The following HPS4 variants were observed in gnomAD, a reference collection of about 807,000 sequenced individuals.
HPS4 encodes HPS4 biogenesis of lysosomal organelles complex 3 subunit 2.
A neutral mutation model predicts 70.3 loss-of-function variants in HPS4; 44 were observed. The ratio of observed to expected loss-of-function variants is 0.63; its 90% CI spans 0.49 to 0.80. HPS4 has a LOEUF of 0.80. HPS4 is among the 30% of genes least tolerant of loss of function. The pLI is 0.00. For missense variants in HPS4, 873 were observed against 884.4 expected (o/e 0.99, Z 0.16); for synonymous variants, 377 against 355.9 (o/e 1.06, Z -0.67).
intron 2 of HPS4, among the ~76,000 whole-genome samples, chr22:26,480,487 T>C (rs1310430622): frequency 1.3e-5 from 2 of 152,156 alleles, no homozygotes; most frequent in African/African-American, 2.4e-5. Flanking sequence ...GTTTTACTTC[T>C]AAGTCTCTGA....
At chr22:26,465,411 C>G (rs373350753) in intron 10 of HPS4, 44 bp downstream of exon 10, 19 of 1,371,116 alleles carry the variant, frequency 1.4e-5, no homozygotes, top group Non-Finnish European at 2.0e-5. Flanking sequence ...GCGATGGGGT[C>G]CCTCAGGTGT....
At chr22:26,466,852 A>C (rs2088734816) in intron 8 of HPS4, 3 of 157,528 alleles carry the variant, frequency 1.9e-5, no homozygotes, top group Admixed American at 6.1e-5. Context: ...AAACCAAACC[A>C]AACAAGAACT....
intron 11 of HPS4, among the ~76,000 whole-genome samples, chr22:26,459,642 C>T (rs2086854080): frequency 6.6e-6 from 1 of 152,146 alleles, no homozygotes; most frequent in Admixed American, 6.5e-5. Context: ...ATTTGCAGTT[C>T]CCAGGTAAAA....
chr22:26,452,105 AT>A lies in HPS4; in HGVS notation c.*1127del. On this transcript the variant is annotated 3_prime_UTR_variant, in exon 14 of 14. Transcript: ENST00000398145. ...CCATTTAATTACTCAGAACTCCAGCATTTTTTGGCTATTTTATTTCTAGCCC... is the reference window on the plus strand; with the variant it reads ...CCATTTAATTACTCAGAACTCCAGCATTTTTGGCTATTTTATTTCTAGCCC... 1 of 343,452 alleles carries A rather than the reference AT, an allele frequency of 2.9e-6. No individual in the cohort carries two copies. Among genetic ancestry groups the A allele is most frequent in the Admixed American group, 4.2e-5 (1 of 23,548 alleles). 21.3% of individuals were successfully genotyped at this position (343,452 alleles called of 1,614,324 possible). A position where few individuals can be genotyped will look rare whatever the true frequency, so the allele number is the denominator to read the frequency against.
chr22:26,479,154 G>C (rs2090989933), intron 3 of HPS4, 111 bp downstream of exon 3: 2 of 1,016,672 alleles, frequency 2.0e-6, no homozygotes, highest in Non-Finnish European at 3.1e-6. Flanking sequence ...CAGTAGAAAT[G>C]TCATTGTCTG....
downstream of HPS4, among the ~76,000 whole-genome samples, chr22:26,450,481 G>A (rs76698785): frequency 0.024 from 3,597 of 152,334 alleles, 60 homozygotes; most frequent in Non-Finnish European, 0.035. Context: ...AAGTGACAAC[G>A]GCCCAGAAGT....
At chr22:26,460,413 A>G (rs1452359244) in intron 11 of HPS4, among the ~76,000 whole-genome samples, 1 of 152,268 alleles carries the variant, frequency 6.6e-6, no homozygotes, top group South Asian at 2.1e-4. Context: ...ACGGGCACAC[A>G]TAAGCATTCA....
chr22:26,457,823 G>A (rs769769322), intron 13 of HPS4, 36 bp downstream of exon 13: 9 of 1,511,836 alleles, frequency 6.0e-6, no homozygotes, highest in Admixed American at 1.7e-5. Flanking sequence ...GCAGGACCGT[G>A]GAGAGTAGGT....
At chr22:26,446,077 C>T (rs2146153065), downstream of HPS4, among the ~76,000 whole-genome samples, 1 of 152,260 alleles carries the variant, frequency 6.6e-6, no homozygotes, top group African/African-American at 2.4e-5. Context: ...GTGTGCATTG[C>T]CAGCTAGGCA....
chr22:26,470,409 G>A (rs2089594740), intron 7 of HPS4, among the ~76,000 whole-genome samples: 1 of 152,212 alleles, frequency 6.6e-6, no homozygotes, highest in African/African-American at 2.4e-5. Flanking sequence ...CTGGCTGCTG[G>A]CAACGCTCGG....
Position 26,470,819 on chromosome 22 carries a change from C to G in HPS4, c.502-6G>C, listed in dbSNP as rs747906892. The G allele has an allele frequency of 6.2e-7, 1 of 1,613,992 alleles. No individual in the cohort carries two copies. The highest frequency in any genetic ancestry group is 8.5e-7 in the Non-Finnish European group (1 of 1,179,972). On this transcript the variant is annotated splice_polypyrimidine_tract_variant and splice_region_variant and intron_variant, in intron 6 of 13. Transcript: ENST00000398145. ...AGCAACAACAGGGGCTCCACCTGTG[C>G]AGGGCAAGAGGCATCATGCCCACCC... is the stretch of plus-strand genomic sequence containing the variant.
intron 1 of HPS4, among the ~76,000 whole-genome samples, 172 bp from the exon 2 acceptor site, chr22:26,482,412 G>T (rs2091374557): frequency 6.6e-6 from 1 of 152,158 alleles, no homozygotes; most frequent in African/African-American, 2.4e-5. Flanking sequence ...TTAGTTTCTC[G>T]AACAGTTAAG....
In HPS4 at chr22:26,453,423, A is replaced by C; in HGVS notation, c.1956-19T>G. ...GGCATTTCTGTTGGAGGAAGAAAGA[A>C]GGCAACGGTCCAATGCTGCTGGTGC... On this transcript the variant is annotated intron_variant, in intron 13 of 13. Coordinates refer to ENST00000398145, the MANE Select transcript of HPS4 (RefSeq NM_022081.6). 2.5e-6 allele frequency: 4 copies of C among 1,613,130 alleles called. No homozygotes were observed. Among genetic ancestry groups the C allele is most frequent in the Non-Finnish European group, 3.4e-6 (4 of 1,179,922 alleles).
intron 13 of HPS4, among the ~76,000 whole-genome samples, chr22:26,455,474 T>C (rs62225812): frequency 3.3e-5 from 5 of 150,360 alleles, no homozygotes; most frequent in Non-Finnish European, 7.4e-5. Context: ...CAGCAAACTA[T>C]TGCAAGGACA....
Position 26,463,986 on chromosome 22 carries a change from G to C in HPS4, c.1644C>G (p.Val548=), listed in dbSNP as rs1176769104. Residue 548 remains valine (V), a synonymous_variant, in exon 11 of 14, where the codon GTC becomes GTG. Coordinates refer to ENST00000398145, the MANE Select transcript of HPS4 (RefSeq NM_022081.6). The stretch of plus-strand genomic sequence containing the variant: ...CCAGCAGGGACAGCACCAGCCCTTT[G>C]ACGCAGTGAGTGTAGAGATTCATCC... ...LVRMNLYTHC[V]KGLVLSLLAE... is the part of the protein sequence containing the mutation. 6.2e-7 allele frequency: 1 copy of C among 1,614,238 alleles called. No individual in the cohort carries two copies. The highest frequency in any genetic ancestry group is 8.5e-7 in the Non-Finnish European group (1 of 1,180,056).
At position 26,468,357 on chromosome 22, in the gene HPS4, G is replaced by C. The variant is rs1205388204; in HGVS notation, c.669+194C>G. ...AAACAACTATCCAGGCCTAGCTCGT[G>C]GAAGAAAACATTTTCTTTCAGCCTC... On this transcript the variant is annotated intron_variant, in intron 8 of 13. Coordinates refer to ENST00000398145, the MANE Select transcript of HPS4 (RefSeq NM_022081.6). The C allele has an allele frequency of 8.0e-6, 5 of 628,644 alleles. No individual in the cohort carries two copies. In the Admixed American group the frequency reaches 1.3e-4, roughly 16 times the overall value. The allele number at this position is 628,644 out of a possible 1,614,324, so 38.9% of individuals were successfully genotyped here. A position where few individuals can be genotyped will look rare whatever the true frequency, so the allele number is the denominator to read the frequency against.
chr22:26,479,402 C>A (rs747061632), intron 2 of HPS4, 47 bp from the exon 3 acceptor site: 4 of 1,604,930 alleles, frequency 2.5e-6, no homozygotes, highest in East Asian at 2.2e-5. Flanking sequence ...ATCCAGTGAT[C>A]ACGGCATTTA....
intron 5 of HPS4, 141 bp from the exon 6 acceptor site, chr22:26,472,559 C>T: frequency 1.3e-6 from 1 of 764,782 alleles, no homozygotes; most frequent in Non-Finnish European, 2.4e-6. Flanking sequence ...TATCCCATCA[C>T]AGATCCACGG....
chr22:26,483,551 G>A (rs1028718882), intron 1 of HPS4, 123 bp downstream of exon 1: 6 of 182,252 alleles, frequency 3.3e-5, no homozygotes, highest in East Asian at 2.8e-4. Flanking sequence ...GCGGTGTCTG[G>A]CCCCAGCTCT....
Sources: gnomAD v4.1 joint callset for allele counts (sites outside exome capture counted in the v4.1 genomes callset) on GRCh38, gnomAD v4.1.1 for gene constraint, MANE v1.5 for transcripts, NCBI Gene and HGNC (gene_info 2026-07-23, HGNC 2026-07-21) for gene names.